The following NBPF26 variants were observed in gnomAD, a reference collection of about 807,000 sequenced individuals.
The protein encoded by NBPF26 is NBPF family member NBPF26.
NBPF26 carries 79 observed loss-of-function variants against 119.6 expected under a neutral mutation model. The observed-to-expected ratio is 0.66, with a 90% CI of 0.55 to 0.80. The LOEUF is 0.80. NBPF26 is among the 30% of genes least tolerant of loss of function. The pLI is 0.00. For synonymous variants in NBPF26, 299 were observed against 457.7 expected, an observed-to-expected ratio of 0.65 and a Z score of 4.43; for missense variants, 800 against 1,198.2, an observed-to-expected ratio of 0.67 and a Z score of 4.91.
At position 120,791,808 on chromosome 1, in the gene NBPF26, T is replaced by C. The variant is rs1281451909; in HGVS notation, c.416-1353T>C. Among the ~76,000 whole-genome samples the C allele has an allele frequency of 4.7e-4, 38 of 80,134 alleles. 6 individuals are homozygous for C. The highest frequency in any genetic ancestry group is 6.2e-4 in the Non-Finnish European group (29 of 46,490). 52.6% of individuals were successfully genotyped at this position (80,134 alleles called of 152,430 possible). A position where few individuals can be genotyped will look rare whatever the true frequency, so the allele number is the denominator to read the frequency against. ...ACTTAAAGTATAATAATAATAATAG[T>C]AATAAAAATTCAAGGAGTTCTCATC... On this transcript the variant is annotated intron_variant, in intron 3 of 29. Transcript: ENST00000620612.
At chr1:120,812,841 T>G (rs1277509700) in intron 10 of NBPF26, among the ~76,000 whole-genome samples, 3 of 106,980 alleles carry the variant, frequency 2.8e-5, no homozygotes, top group East Asian at 4.4e-4. Context: ...GAGAATCCTT[T>G]GAACCCAGGA....
At chr1:120,805,830 T>C in intron 5 of NBPF26, 65 bp downstream of exon 5, 1 of 1,171,562 alleles carries the variant, frequency 8.5e-7, no homozygotes, top group Non-Finnish European at 1.2e-6. Context: ...TCTGAGACAC[T>C]AAATGCTCTC....
At chr1:120,789,408 C>T (rs1326087866) in intron 3 of NBPF26, among the ~76,000 whole-genome samples, 1 of 100,446 alleles carries the variant, frequency 1.0e-5, no homozygotes, top group African/African-American at 6.7e-5. Context: ...ACTTACAGTT[C>T]CATATGGCTG....
In NBPF26 at chr1:120,840,535, C is replaced by G. The variant is rs1356351518; in HGVS notation, c.4289C>G (p.Thr1430Ser). ...CTTTACGTGGACAATAGGTTTTTTA[C>G]TTTGACGGTGACAAGTCTCCACCTG... The change falls in exon 30 of 30, where the codon ACT becomes AGT. Residue 1430 changes from threonine (T) to serine (S), a missense_variant. Physicochemically the swap from Thr to Ser is moderately conservative, Grantham distance 58. Around this residue, in one of 13 missense-constraint regions of NBPF26, gnomAD observed 155 missense variants for 95.9 expected, o/e 1.62. Coordinates refer to ENST00000620612, the Ensembl canonical transcript of NBPF26. The G allele has an allele frequency of 8.2e-6, 12 of 1,470,122 alleles. 2 individuals carry two copies. Among genetic ancestry groups the G allele is most frequent in the African/African-American group, 2.0e-5 (1 of 51,098 alleles). The allele number at this position is 1,470,122 out of a possible 1,614,324, so 91.1% of individuals were successfully genotyped here.
rs1316117373 is a variant in NBPF26 at position 120,810,797 on chromosome 1, AC to A, written c.1564+240del. ...GGTGAAACCCATCTTTACAAAGAAT[AC>A]AAAAAATTAGGCAGGCATGGTGCTG... On this transcript the variant is annotated intron_variant, in intron 9 of 29. Transcript: ENST00000620612. Among the ~76,000 whole-genome samples, 3 of 110,448 alleles carry A rather than the reference AC, an allele frequency of 2.7e-5. 1 individual carries two copies. Among genetic ancestry groups the A allele is most frequent in the Non-Finnish European group, 5.2e-5 (3 of 57,226 alleles). The allele number at this position is 110,448 out of a possible 152,430, so 72.5% of individuals were successfully genotyped here.
At chr1:120,823,102 CAG>C (rs1474446665) in intron 16 of NBPF26, among the ~76,000 whole-genome samples, 3 of 116,910 alleles carry the variant, frequency 2.6e-5, no homozygotes, top group African/African-American at 4.5e-5. Flanking sequence ...CATTCCAACA[CAG>C]GGGAATTTTG....
chr1:120,770,771 G>T (rs1651254835), intron 2 of NBPF26, among the ~76,000 whole-genome samples: 1 of 117,194 alleles, frequency 8.5e-6, no homozygotes, highest in Non-Finnish European at 1.6e-5. Context: ...AAATGGGACA[G>T]AATTACCTGT....
At position 120,765,896 on chromosome 1, in the gene NBPF26, G is replaced by A. The variant is rs1395425722; in HGVS notation, c.155+2187G>A. Reference sequence around the variant, plus strand: ...AACACAGGAACAGAAAACCAAACACGGCATGTTCTCACTCATAAGTGGGAG... The same window carrying A: ...AACACAGGAACAGAAAACCAAACACAGCATGTTCTCACTCATAAGTGGGAG... On this transcript the variant is annotated intron_variant, in intron 2 of 29. Coordinates refer to ENST00000620612, the Ensembl canonical transcript of NBPF26. 6.6e-5 allele frequency among the ~76,000 whole-genome samples: 7 copies of A among 106,526 alleles called. 1 individual carries two copies. Among genetic ancestry groups the A allele is most frequent in the Non-Finnish European group, 1.3e-4 (7 of 55,764 alleles). 69.9% of individuals were successfully genotyped at this position (106,526 alleles called of 152,430 possible).
intron 1 of NBPF26, among the ~76,000 whole-genome samples, chr1:120,728,578 C>T (rs1650840797): frequency 8.5e-6 from 1 of 117,492 alleles, no homozygotes; most frequent in Non-Finnish European, 1.6e-5. Flanking sequence ...CCACTGCTTC[C>T]TGTATTACTG....
At position 120,770,360 on chromosome 1, in the gene NBPF26, G is replaced by T. The variant is rs1420162159; in HGVS notation, c.155+6651G>T. 7.3e-5 allele frequency among the ~76,000 whole-genome samples: 8 copies of T among 109,876 alleles called. 2 individuals are homozygous for T. Among genetic ancestry groups the T allele is most frequent in the African/African-American group, 1.2e-4 (2 of 17,050 alleles). The allele number at this position is 109,876 out of a possible 152,430, so 72.1% of individuals were successfully genotyped here. On this transcript the variant is annotated intron_variant, in intron 2 of 29. Transcript: ENST00000620612. ...AATTTTTTGTATTTTTAGTAGAGAC[G>T]GGGTTTCACTGTGTTAGCCAGGATG...
Position 120,784,995 on chromosome 1 carries a change from G to T in NBPF26, c.177G>T (p.Gly59=), listed in dbSNP as rs1231550113. 2.5e-5 allele frequency: 36 copies of T among 1,421,406 alleles called. 6 individuals are homozygous for T. The highest frequency in any genetic ancestry group is 3.4e-5 in the Non-Finnish European group (36 of 1,061,742). The allele number at this position is 1,421,406 out of a possible 1,614,324, so 88.0% of individuals were successfully genotyped here. A position where few individuals can be genotyped will look rare whatever the true frequency, so the allele number is the denominator to read the frequency against. The change falls in exon 3 of 30, where the codon GGG becomes GGT. Residue 59 remains glycine, a synonymous_variant. Transcript: ENST00000620612. ...ACAGATGTCCAGAAGGCTTCTTGGG[G>T]GAATATTGTCAACATCGAGACCCCT...
intron 4 of NBPF26, 77 bp from the exon 5 acceptor site, chr1:120,805,479 C>T: frequency 7.4e-7 from 1 of 1,348,704 alleles, no homozygotes; most frequent in Non-Finnish European, 1.0e-6. Flanking sequence ...CAGTTACTGA[C>T]ATCCCTCAGT....
intron 19 of NBPF26, among the ~76,000 whole-genome samples, chr1:120,830,061 G>GC (rs1652316391): frequency 8.2e-6 from 1 of 121,872 alleles, no homozygotes; most frequent in Non-Finnish European, 1.6e-5. Context: ...GGAATCTTGA[G>GC]CAAGTTTATG....
intron 2 of NBPF26, 78 bp from the exon 3 acceptor site, chr1:120,784,896 G>A: frequency 9.9e-7 from 1 of 1,008,284 alleles, no homozygotes; most frequent in South Asian, 1.4e-5. Flanking sequence ...TTCTTGATTG[G>A]ACTGTATTGT....
rs1217952901 is a variant in NBPF26 at position 120,840,256 on chromosome 1, C to G, written c.4104-94C>G. 2.9e-5 allele frequency: 41 copies of G among 1,423,648 alleles called. 8 individuals are homozygous for G. Among genetic ancestry groups the G allele is most frequent in the Non-Finnish European group, 3.4e-5 (36 of 1,073,288 alleles). 88.2% of individuals were successfully genotyped at this position (1,423,648 alleles called of 1,614,324 possible). A position where few individuals can be genotyped will look rare whatever the true frequency, so the allele number is the denominator to read the frequency against. ...TTAATGGATCTATCCTTTTTCTTTT[C>G]TAACCACTTCCTTATGTTACTTCTG... is the stretch of plus-strand genomic sequence containing the variant. On this transcript the variant is annotated intron_variant, in intron 29 of 29. Transcript: ENST00000620612.
intron 10 of NBPF26, among the ~76,000 whole-genome samples, chr1:120,812,827 G>A (rs1651901265): frequency 3.8e-5 from 4 of 104,498 alleles, no homozygotes; most frequent in South Asian, 5.8e-4. Context: ...GGAGGCTGAG[G>A]CAGGAGAATC....
Position 120,811,948 on chromosome 1 carries a change from G to A in NBPF26, c.1627G>A (p.Gly543Ser), listed in dbSNP as rs1270159566. 7.2e-3 allele frequency: 8,794 copies of A among 1,219,000 alleles called. 2,546 individuals carry two copies. In the African/African-American group the frequency reaches 0.073, roughly 10 times the overall value. 75.5% of individuals were successfully genotyped at this position (1,219,000 alleles called of 1,614,324 possible). Residue 543 changes from glycine (G) to serine (S), a missense_variant, in exon 10 of 30, where the codon GGC becomes AGC. Gly to Ser is a moderately conservative substitution (Grantham distance 56, BLOSUM62 0). This residue lies in a region of NBPF26 where 72 missense variants were observed against 81.1 expected (regional missense o/e 0.89). Transcript: ENST00000620612. ...GGTGGTATCAGCCGGCCCTTTGTCC[G>A]GCGAGAAGGCAGCGATAAACATTCT...
chr1:120,767,681 T>A (rs1473893140), intron 2 of NBPF26, among the ~76,000 whole-genome samples: 2 of 108,814 alleles, frequency 1.8e-5, no homozygotes, highest in Admixed American at 1.8e-4. Flanking sequence ...CTTGTCCTAC[T>A]GGGAGGTGTA....
In NBPF26 at chr1:120,818,514, G is replaced by T. The variant is rs1429275770; in HGVS notation, c.2423+340G>T. On this transcript the variant is annotated intron_variant, in intron 15 of 29. Coordinates refer to ENST00000620612, the Ensembl canonical transcript of NBPF26. ...TCTGCTCTGATCTTAGTTACTTCTT[G>T]TCTTCTGCTAGCTTTTGAATTTGTT... is the stretch of plus-strand genomic sequence containing the variant. 3.2e-5 allele frequency among the ~76,000 whole-genome samples: 4 copies of T among 124,548 alleles called. 1 individual carries two copies. The highest frequency in any genetic ancestry group is 4.9e-5 in the Non-Finnish European group (3 of 61,208). 81.7% of individuals were successfully genotyped at this position (124,548 alleles called of 152,430 possible). A position where few individuals can be genotyped will look rare whatever the true frequency, so the allele number is the denominator to read the frequency against.
Sources: allele counts gnomAD v4.1 joint callset (sites outside exome capture counted in the v4.1 genomes callset), GRCh38; gene constraint gnomAD v4.1.1; regional missense constraint gnomAD v4.1.1; transcripts MANE v1.5; gene names NCBI Gene and HGNC (gene_info 2026-07-23, HGNC 2026-07-21).